Variants in LAMA2 observed in about 807,000 individuals in gnomAD.
LAMA2 encodes the protein laminin subunit alpha 2.
Under a neutral mutation model 364.8 loss-of-function variants are expected in LAMA2, and 269 were observed. The ratio of observed to expected loss-of-function variants is 0.74; its 90% confidence interval spans 0.67 to 0.82. The LOEUF (loss-of-function observed/expected upper bound fraction) is 0.82. LAMA2 is among the 40% of genes least tolerant of loss of function. LAMA2 has a pLI of 0.00. For missense variants in LAMA2, 3,807 were observed against 3,873.2 expected, an observed-to-expected ratio of 0.98 and a Z score of 0.45; for synonymous variants, 1,379 against 1,370.6, an observed-to-expected ratio of 1.01 and a Z score of -0.14.
At chr6:129,093,161 T>G (rs1774948532) in intron 3 of LAMA2, among the ~76,000 whole-genome samples, 1 of 151,586 alleles carries the variant, frequency 6.6e-6, no homozygotes, top group Non-Finnish European at 1.5e-5. Flanking sequence ...TTTTTTTTTT[T>G]GTATTTTTTA....
intron 4 of LAMA2, among the ~76,000 whole-genome samples, chr6:129,105,866 G>C: frequency 6.6e-6 from 1 of 152,114 alleles, no homozygotes; most frequent in Non-Finnish European, 1.5e-5. Flanking sequence ...TTTTTCTGTT[G>C]TATGAGACTT....
intron 60 of LAMA2, among the ~76,000 whole-genome samples, chr6:129,504,581 T>C (rs1785906466): frequency 6.6e-6 from 1 of 152,184 alleles, no homozygotes; most frequent in South Asian, 2.1e-4. Context: ...CTCCAGCCAG[T>C]CTTTACACCC....
At chr6:129,226,888 G>T (rs1039883996) in intron 12 of LAMA2, among the ~76,000 whole-genome samples, 17 of 152,164 alleles carry the variant, frequency 1.1e-4, no homozygotes, top group Admixed American at 1.0e-3. Context: ...TGCCTTGCTA[G>T]GTTGGGGAAG....
chr6:129,052,609 G>C (rs1241902531), intron 2 of LAMA2, among the ~76,000 whole-genome samples: 1 of 152,076 alleles, frequency 6.6e-6, no homozygotes, highest in Admixed American at 6.5e-5. Flanking sequence ...ATTTGTTACA[G>C]TCCATGAACC....
At chr6:129,189,118 G>C (rs1781392360) in intron 10 of LAMA2, among the ~76,000 whole-genome samples, 1 of 152,040 alleles carries the variant, frequency 6.6e-6, no homozygotes, top group Non-Finnish European at 1.5e-5. Flanking sequence ...CCTCTGAATA[G>C]ATTATGGTAG....
At chr6:129,035,274 G>A (rs4432990) in intron 1 of LAMA2, among the ~76,000 whole-genome samples, 17,614 of 147,836 alleles carry the variant, frequency 0.12, 1,080 homozygotes, top group Middle Eastern at 0.16. Flanking sequence ...TTGGCCACTT[G>A]TATGTCTTTT....
At chr6:129,120,892 A>G (rs1776767977) in intron 4 of LAMA2, among the ~76,000 whole-genome samples, 1 of 152,230 alleles carries the variant, frequency 6.6e-6, no homozygotes, top group African/African-American at 2.4e-5. Context: ...TCTTCTTCAT[A>G]CTAATTCCTT....
At chr6:129,304,988 G>A (rs1025940340) in intron 22 of LAMA2, among the ~76,000 whole-genome samples, 1 of 152,086 alleles carries the variant, frequency 6.6e-6, no homozygotes, top group African/African-American at 2.4e-5. Flanking sequence ...TATCCTTAAC[G>A]GTTTTTAGAT....
chr6:129,127,616 G>T (rs1185112796), intron 4 of LAMA2, among the ~76,000 whole-genome samples: 1 of 152,138 alleles, frequency 6.6e-6, no homozygotes, highest in African/African-American at 2.4e-5. Context: ...CATAATGGCT[G>T]TACTAATTTA....
chr6:129,355,457 A>C (rs903417248), intron 32 of LAMA2, among the ~76,000 whole-genome samples: 1 of 152,152 alleles, frequency 6.6e-6, no homozygotes, highest in Non-Finnish European at 1.5e-5. Flanking sequence ...TGTAATTCTG[A>C]CTTATTCTCA....
chr6:129,166,512 T>C (rs1476867854), intron 9 of LAMA2, among the ~76,000 whole-genome samples: 1 of 152,188 alleles, frequency 6.6e-6, no homozygotes, highest in Non-Finnish European at 1.5e-5. Context: ...AATCTGAGCA[T>C]TACATGTAGA....
Position 129,194,599 on chromosome 6 carries a change from G to A in LAMA2, c.1782+1746G>A, listed in dbSNP as rs529637580. Among the ~76,000 whole-genome samples the A allele has an allele frequency of 1.6e-4, 24 of 152,184 alleles. No individual in the cohort carries two copies. The South Asian group carries it at 2.9e-3, about 18-fold the overall frequency. ...AAACACTGTTCTTGCCTGTACTGCC[G>A]TTTCCATTCAGTGAACAAAATAACA... On this transcript the variant is annotated intron_variant, in intron 12 of 64. Coordinates refer to ENST00000421865, the MANE Select transcript of LAMA2 (RefSeq NM_000426.4).
intron 4 of LAMA2, among the ~76,000 whole-genome samples, chr6:129,126,367 T>C (rs1487503958): frequency 6.6e-6 from 1 of 152,212 alleles, no homozygotes; most frequent in African/African-American, 2.4e-5. Context: ...TAAACGTTGA[T>C]GACTAACTAT....
At chr6:128,884,557 T>C (rs1776040730) in intron 1 of LAMA2, among the ~76,000 whole-genome samples, 1 of 152,166 alleles carries the variant, frequency 6.6e-6, no homozygotes, top group African/African-American at 2.4e-5. Flanking sequence ...TATCCCAAGC[T>C]CTTTCTATAA....
chr6:129,232,122 G>A (rs1784702905), intron 12 of LAMA2, among the ~76,000 whole-genome samples: 1 of 152,056 alleles, frequency 6.6e-6, no homozygotes, highest in South Asian at 2.1e-4. Flanking sequence ...ACATTTTCTT[G>A]TTTGGCAGAA....
chr6:128,893,690 T>C (rs1776599673), intron 1 of LAMA2, among the ~76,000 whole-genome samples: 1 of 151,976 alleles, frequency 6.6e-6, no homozygotes, highest in Admixed American at 6.6e-5. Flanking sequence ...GATTCCTTTT[T>C]ATCCTCTTAA....
At chr6:128,929,269 C>T in intron 1 of LAMA2, 1 of 1,367,418 alleles carries the variant, frequency 7.3e-7, no homozygotes, top group Non-Finnish European at 1.0e-6. Context: ...TGGCTAAGTT[C>T]CCGTCATTGA....
intron 1 of LAMA2, among the ~76,000 whole-genome samples, chr6:128,890,593 T>C: frequency 6.6e-6 from 1 of 151,022 alleles, no homozygotes; most frequent in African/African-American, 2.5e-5. Flanking sequence ...TATGTAGACA[T>C]ATACACACAT....
At chr6:129,371,540 C>T (rs536701568) in intron 34 of LAMA2, among the ~76,000 whole-genome samples, 2 of 151,804 alleles carry the variant, frequency 1.3e-5, no homozygotes, top group East Asian at 1.9e-4. Context: ...AGCAAAACTG[C>T]GCAGTCCTTG....
Sources: gnomAD v4.1 joint callset for allele counts (sites outside exome capture counted in the v4.1 genomes callset) on GRCh38, gnomAD v4.1.1 for gene constraint, MANE v1.5 for transcripts, NCBI Gene and HGNC (gene_info 2026-07-23, HGNC 2026-07-21) for gene names.